TUNAR: variants seen among roughly 807,000 people sequenced by gnomAD.
TUNAR encodes the protein protein TUNAR.
intron 2 of TUNAR, among the ~76,000 whole-genome samples, chr14:95,894,906 G>T (rs1375611230): frequency 6.6e-6 from 1 of 152,230 alleles, no homozygotes; most frequent in African/African-American, 2.4e-5. Flanking sequence ...GCTTCCTCTT[G>T]GAGTCCACAG....
chr14:95,905,865 C>T (rs1889420915), intron 2 of TUNAR, among the ~76,000 whole-genome samples: 1 of 152,130 alleles, frequency 6.6e-6, no homozygotes, highest in Non-Finnish European at 1.5e-5. Context: ...GGTCTTTCTC[C>T]CCCATTTATG....
At chr14:95,892,099 A>G (rs941784) in intron 2 of TUNAR, among the ~76,000 whole-genome samples, 71,062 of 152,112 alleles carry the variant, frequency 0.47, 17,318 homozygotes, top group African/African-American at 0.6. Flanking sequence ...ACAGGTACTA[A>G]CAGTTAGGAC....
intron 2 of TUNAR, among the ~76,000 whole-genome samples, chr14:95,888,884 T>C (rs1889121758): frequency 6.6e-6 from 1 of 151,910 alleles, no homozygotes; most frequent in South Asian, 2.1e-4. Flanking sequence ...CACCACGGAG[T>C]GCTTAGGTGA....
intron 2 of TUNAR, among the ~76,000 whole-genome samples, chr14:95,903,893 C>CA (rs1259003710): frequency 2.6e-5 from 4 of 152,204 alleles, no homozygotes; most frequent in African/African-American, 9.7e-5. Flanking sequence ...TTCCTCACAG[C>CA]AGGTGGCCTC....
chr14:95,920,302 G>A (rs1889674528), intron 2 of TUNAR, among the ~76,000 whole-genome samples: 1 of 152,086 alleles, frequency 6.6e-6, no homozygotes, highest in Admixed American at 6.6e-5. Flanking sequence ...CCTGGGTGCT[G>A]GAAGGCTCTG....
At chr14:95,886,672 G>A (rs544068583) in intron 2 of TUNAR, among the ~76,000 whole-genome samples, 2 of 152,320 alleles carry the variant, frequency 1.3e-5, no homozygotes, top group East Asian at 3.9e-4. Flanking sequence ...CCCTCCATGG[G>A]TCCCATTTAC....
chr14:95,877,402 A>G (rs866009088), intron 2 of TUNAR, among the ~76,000 whole-genome samples: 1 of 152,352 alleles, frequency 6.6e-6, no homozygotes, highest in Middle Eastern at 3.4e-3. Context: ...TGGGTTTGAC[A>G]TGCAGGCGGG....
chr14:95,888,756 C>G (rs1889118159), intron 2 of TUNAR, among the ~76,000 whole-genome samples: 1 of 152,156 alleles, frequency 6.6e-6, no homozygotes, highest in Non-Finnish European at 1.5e-5. Context: ...AGTATCACTT[C>G]CGGCATGTCC....
intron 2 of TUNAR, among the ~76,000 whole-genome samples, chr14:95,917,054 A>C (rs1215685988): frequency 1.3e-5 from 2 of 152,112 alleles, no homozygotes; most frequent in Non-Finnish European, 2.9e-5. Context: ...TTTTTTTGAT[A>C]AACAGATATT....
At chr14:95,880,158 G>A (rs1186153992) in intron 2 of TUNAR, among the ~76,000 whole-genome samples, 1 of 152,166 alleles carries the variant, frequency 6.6e-6, no homozygotes, top group African/African-American at 2.4e-5. Context: ...ATATGTGTGT[G>A]TATTGGTACC....
chr14:95,911,763 C>A (rs770404593), intron 2 of TUNAR, among the ~76,000 whole-genome samples: 3 of 152,234 alleles, frequency 2.0e-5, no homozygotes, highest in Non-Finnish European at 2.9e-5. Flanking sequence ...TAATCCCTGT[C>A]TTCCTTTTCC....
chr14:95,878,784 G>A (rs1244258985), intron 2 of TUNAR, among the ~76,000 whole-genome samples: 1 of 152,192 alleles, frequency 6.6e-6, no homozygotes, highest in African/African-American at 2.4e-5. Context: ...TACCAGATTG[G>A]GGTTGTGGGA....
chr14:95,894,938 C>T (rs1160785985), intron 2 of TUNAR, among the ~76,000 whole-genome samples: 2 of 152,186 alleles, frequency 1.3e-5, no homozygotes, highest in African/African-American at 4.8e-5. Context: ...TGGTGCAGGG[C>T]ACTGCGGGAT....
chr14:95,896,275 G>A (rs1889267553), intron 2 of TUNAR, among the ~76,000 whole-genome samples: 1 of 152,202 alleles, frequency 6.6e-6, no homozygotes, highest in Non-Finnish European at 1.5e-5. Context: ...ACTGGAGTGA[G>A]CCAGGCAGGG....
chr14:95,889,750 G>A (rs1385706607), intron 2 of TUNAR, among the ~76,000 whole-genome samples: 1 of 152,088 alleles, frequency 6.6e-6, no homozygotes, highest in Non-Finnish European at 1.5e-5. Flanking sequence ...TCATAGCAGA[G>A]TACCGGAAGG....
chr14:95,882,307 T>C (rs1425274070), intron 2 of TUNAR, among the ~76,000 whole-genome samples: 2 of 152,176 alleles, frequency 1.3e-5, no homozygotes. Flanking sequence ...AGAGTAGCTT[T>C]GCAGAGTCAC....
intron 2 of TUNAR, among the ~76,000 whole-genome samples, chr14:95,900,852 A>G (rs1272630782): frequency 1.3e-5 from 2 of 152,376 alleles, no homozygotes; most frequent in East Asian, 3.9e-4. Flanking sequence ...CCTTCTCCAC[A>G]TCGCCATTTT....
At chr14:95,896,619 G>A (rs989528370) in intron 2 of TUNAR, among the ~76,000 whole-genome samples, 2 of 152,214 alleles carry the variant, frequency 1.3e-5, no homozygotes, top group African/African-American at 4.8e-5. Flanking sequence ...GAAAGCCTCT[G>A]CTCTGTTTGC....
chr14:95,921,307 G>A (rs561095806), intron 2 of TUNAR, among the ~76,000 whole-genome samples: 2 of 152,272 alleles, frequency 1.3e-5, no homozygotes, highest in South Asian at 2.1e-4. Context: ...ACCCTGAAGC[G>A]TGAAAAGCCT....
Sources: gnomAD v4.1 joint callset for allele counts (sites outside exome capture counted in the v4.1 genomes callset) on GRCh38, gnomAD v4.1.1 for gene constraint, MANE v1.5 for transcripts, NCBI Gene and HGNC (gene_info 2026-07-23, HGNC 2026-07-21) for gene names.